ZNF385B: variants seen among roughly 807,000 people sequenced by gnomAD.
ZNF385B encodes zinc finger protein 533.
A neutral mutation model predicts 39.2 loss-of-function variants in ZNF385B; 23 were observed. The observed-to-expected ratio is 0.59, with a 90% confidence interval of 0.42 to 0.83. The LOEUF (loss-of-function observed/expected upper bound fraction) is 0.83. Ranked by LOEUF, ZNF385B falls within the 40% of genes least tolerant of loss-of-function variation. ZNF385B has a pLI of 0.00. For synonymous variants in ZNF385B, 205 were observed against 222.6 expected, an observed-to-expected ratio of 0.92 and a Z score of 0.70; for missense variants, 552 against 598.9, an observed-to-expected ratio of 0.92 and a Z score of 0.82.
chr2:179,616,571 T>C (rs1689758895), intron 3 of ZNF385B, among the ~76,000 whole-genome samples: 1 of 152,010 alleles, frequency 6.6e-6, no homozygotes, highest in East Asian at 1.9e-4. Context: ...ATTAGGTTTG[T>C]TTTTTTCAGA....
At chr2:179,671,433 C>T (rs1298669699) in intron 3 of ZNF385B, among the ~76,000 whole-genome samples, 1 of 152,122 alleles carries the variant, frequency 6.6e-6, no homozygotes, top group East Asian at 1.9e-4. Flanking sequence ...AATTCAGAAC[C>T]TATTATATTG....
At chr2:179,560,399 G>A (rs2061252078) in intron 3 of ZNF385B, among the ~76,000 whole-genome samples, 1 of 152,166 alleles carries the variant, frequency 6.6e-6, no homozygotes, top group East Asian at 1.9e-4. Flanking sequence ...CCAAAGGAAA[G>A]TAAACAATTC....
chr2:179,458,818 C>T (rs959063321), intron 6 of ZNF385B, among the ~76,000 whole-genome samples: 10 of 152,182 alleles, frequency 6.6e-5, no homozygotes, highest in African/African-American at 2.4e-4. Context: ...TCCCTACACC[C>T]TTCTTTGTTA....
intron 5 of ZNF385B, among the ~76,000 whole-genome samples, chr2:179,508,313 G>T (rs979393680): frequency 6.6e-6 from 1 of 152,162 alleles, no homozygotes; most frequent in Non-Finnish European, 1.5e-5. Flanking sequence ...TAAATTTTCA[G>T]CTGAAGAATC....
At chr2:179,695,154 T>TG (rs1249345511) in intron 3 of ZNF385B, among the ~76,000 whole-genome samples, 1 of 152,322 alleles carries the variant, frequency 6.6e-6, no homozygotes, top group East Asian at 1.9e-4. Flanking sequence ...TAGAGTATGA[T>TG]GCTCTTGAGA....
At chr2:179,522,496 T>C (rs1265221868) in intron 4 of ZNF385B, among the ~76,000 whole-genome samples, 1 of 145,358 alleles carries the variant, frequency 6.9e-6, no homozygotes, top group Non-Finnish European at 1.5e-5. Flanking sequence ...ATGTGATAAA[T>C]GCAAGTAACT....
At chr2:179,620,339 T>G (rs1349278954) in intron 3 of ZNF385B, among the ~76,000 whole-genome samples, 1 of 152,204 alleles carries the variant, frequency 6.6e-6, no homozygotes, top group African/African-American at 2.4e-5. Flanking sequence ...GATCTTCGGA[T>G]CTGGGGCACT....
chr2:179,806,118 T>A (rs1042635267), intron 1 of ZNF385B, among the ~76,000 whole-genome samples: 3 of 151,984 alleles, frequency 2.0e-5, no homozygotes, highest in Admixed American at 6.5e-5. Flanking sequence ...GACAAAAAAA[T>A]GCCATAAACA....
intron 4 of ZNF385B, among the ~76,000 whole-genome samples, chr2:179,542,870 A>G (rs2060006126): frequency 6.6e-6 from 1 of 152,174 alleles, no homozygotes; most frequent in Non-Finnish European, 1.5e-5. Flanking sequence ...AAGGAAGTAA[A>G]AGTATGTGCA....
rs555477472 is a variant in ZNF385B at position 179,662,695 on chromosome 2, C to A, written c.298+106808G>T. Among the ~76,000 whole-genome samples the A allele has an allele frequency of 3.9e-5, 6 of 152,000 alleles. No individual in the cohort carries two copies. In the South Asian group the frequency reaches 1.3e-3, roughly 32 times the overall value. ...GCCATGGATGTCTATTTAAGTGAAT[C>A]CCCCCCAAAAGAATCAGCTGCTTTT... is the stretch of plus-strand genomic sequence containing the variant. On this transcript the variant is annotated intron_variant, in intron 3 of 9. Coordinates refer to ENST00000410066, the MANE Select transcript of ZNF385B (RefSeq NM_152520.6).
chr2:179,680,511 G>C (rs1016089634), intron 3 of ZNF385B, among the ~76,000 whole-genome samples: 1 of 152,044 alleles, frequency 6.6e-6, no homozygotes, highest in Non-Finnish European at 1.5e-5. Flanking sequence ...CAGAGCATAC[G>C]GGGACCTTCT....
At chr2:179,807,766 G>A (rs1349995221) in intron 1 of ZNF385B, among the ~76,000 whole-genome samples, 1 of 151,556 alleles carries the variant, frequency 6.6e-6, no homozygotes, top group Non-Finnish European at 1.5e-5. Context: ...GTGGTGGCAG[G>A]CGCCTGTAGT....
intron 3 of ZNF385B, among the ~76,000 whole-genome samples, chr2:179,689,783 ATGTGTGTGTGTGTG>A (rs112957152): frequency 4.8e-4 from 63 of 130,104 alleles, no homozygotes; most frequent in African/African-American, 1.1e-3. Context: ...GGGCAGGGGC[ATGTGTGTGTGTGTG>A]TGTGTGTGTG....
At chr2:179,711,787 G>A (rs1700012171) in intron 3 of ZNF385B, among the ~76,000 whole-genome samples, 1 of 150,838 alleles carries the variant, frequency 6.6e-6, no homozygotes, top group Admixed American at 6.6e-5. Flanking sequence ...TAGCAGTTCT[G>A]TTCCCTACTG....
intron 3 of ZNF385B, among the ~76,000 whole-genome samples, chr2:179,668,667 T>C (rs1695509224): frequency 6.6e-6 from 1 of 151,284 alleles, no homozygotes; most frequent in Non-Finnish European, 1.5e-5. Flanking sequence ...TAGTTTCTGC[T>C]GAGAGGAGGG....
intron 5 of ZNF385B, among the ~76,000 whole-genome samples, chr2:179,487,532 T>C (rs1255761183): frequency 1.3e-5 from 2 of 152,194 alleles, no homozygotes; most frequent in African/African-American, 4.8e-5. Flanking sequence ...GACTTCATTA[T>C]CTAGGAATCT....
intron 3 of ZNF385B, among the ~76,000 whole-genome samples, chr2:179,671,381 G>C (rs1159359722): frequency 3.3e-5 from 5 of 152,114 alleles, no homozygotes; most frequent in Non-Finnish European, 5.9e-5. Flanking sequence ...ATTTAAAAAT[G>C]GAATTATTAA....
chr2:179,574,307 C>A (rs757688314), intron 3 of ZNF385B, among the ~76,000 whole-genome samples: 1 of 152,112 alleles, frequency 6.6e-6, no homozygotes, highest in Non-Finnish European at 1.5e-5. Context: ...GAGTATTGTA[C>A]TTGCTCAGAA....
In ZNF385B at chr2:179,498,127, CT is replaced by C. The variant is rs1236946674; in HGVS notation, c.553-14694del. Among the ~76,000 whole-genome samples the C allele has an allele frequency of 2.0e-5, 3 of 152,224 alleles. No homozygotes were observed. The East Asian group carries it at 5.8e-4, about 29-fold the overall frequency. ...AATACTTGGAGACTTCAACAACCCA[CT>C]TTCAGCACTGGGCTGATCTTTCCAG... On this transcript the variant is annotated intron_variant, in intron 5 of 9. Transcript: ENST00000410066.
Sources: gnomAD v4.1 joint callset for allele counts (sites outside exome capture counted in the v4.1 genomes callset) on GRCh38, gnomAD v4.1.1 for gene constraint, MANE v1.5 for transcripts, NCBI Gene and HGNC (gene_info 2026-07-23, HGNC 2026-07-21) for gene names.